Variants in PRELID2 observed in about 807,000 individuals in gnomAD.
PRELID2 encodes PRELI domain-containing protein 2.
In PRELID2, 25 loss-of-function variants were observed where a neutral mutation model predicts 28.4. The observed-to-expected ratio is 0.88, with a 90% confidence interval of 0.64 to 1.23. PRELID2 has a LOEUF of 1.23. PRELID2 is among the 50% of genes most tolerant of loss of function. PRELID2 has a pLI of 0.00. For missense variants in PRELID2, 201 were observed against 214.4 expected (o/e 0.94, Z 0.39); for synonymous variants, 76 against 71.6 (o/e 1.06, Z -0.31).
the PRELID2 span, among the ~76,000 whole-genome samples, chr5:145,319,680 AAAATAAATAAATAAATAAATAAAT>A: frequency 3.5e-5 from 5 of 144,576 alleles, no homozygotes; most frequent in African/African-American, 1.0e-4. Flanking sequence ...CTCCATCTCA[AAAATAAATAAATAAATAAATAAAT>A]AAATAAATAA....
At chr5:145,585,158 C>T (rs1201687655) in intron 1 of PRELID2, among the ~76,000 whole-genome samples, 1 of 152,096 alleles carries the variant, frequency 6.6e-6, no homozygotes, top group African/African-American at 2.4e-5. Flanking sequence ...AGGTGGAAGC[C>T]ATTATCCTCA....
At chr5:145,711,449 C>A (rs528855109) in intron 1 of PRELID2, among the ~76,000 whole-genome samples, 4 of 152,126 alleles carry the variant, frequency 2.6e-5, no homozygotes. Flanking sequence ...TTGGATAAGA[C>A]CATCTGAACC....
the PRELID2 span, among the ~76,000 whole-genome samples, chr5:145,363,108 G>A: frequency 1.4e-5 from 2 of 143,332 alleles, no homozygotes; most frequent in African/African-American, 2.7e-5. Flanking sequence ...CACATATCAT[G>A]GCTATAAGAA....
the PRELID2 span, among the ~76,000 whole-genome samples, chr5:145,407,335 G>A: frequency 6.6e-6 from 1 of 152,086 alleles, no homozygotes; most frequent in East Asian, 1.9e-4. Flanking sequence ...TGTCACTTCT[G>A]GCTTATCCCC....
intron 1 of PRELID2, among the ~76,000 whole-genome samples, chr5:145,652,292 G>C (rs1041998332): frequency 1.3e-5 from 2 of 152,230 alleles, no homozygotes; most frequent in African/African-American, 4.8e-5. Flanking sequence ...ATACCTGAAA[G>C]TGACAGGGAA....
chr5:145,521,735 C>A (rs1752564676), intron 1 of PRELID2, among the ~76,000 whole-genome samples: 1 of 152,096 alleles, frequency 6.6e-6, no homozygotes, highest in Non-Finnish European at 1.5e-5. Flanking sequence ...GGCAGAGAAA[C>A]TAGTCACAGC....
chr5:145,303,669 G>T, the PRELID2 span, among the ~76,000 whole-genome samples: 2 of 152,156 alleles, frequency 1.3e-5, no homozygotes, highest in African/African-American at 4.8e-5. Context: ...TTAATTAATA[G>T]AATTCACTCT....
intron 1 of PRELID2, among the ~76,000 whole-genome samples, chr5:145,630,203 T>C (rs1338533141): frequency 6.6e-6 from 1 of 152,052 alleles, no homozygotes; most frequent in Non-Finnish European, 1.5e-5. Flanking sequence ...GGTGGATGGA[T>C]GAATGAGTTA....
intron 1 of PRELID2, among the ~76,000 whole-genome samples, chr5:145,825,483 G>A (rs189834778): frequency 6.3e-4 from 96 of 152,098 alleles, no homozygotes; most frequent in African/African-American, 2.2e-3. Context: ...TGCTTATCTC[G>A]TTTACTACAG....
chr5:145,687,303 G>T (rs1176612275), intron 1 of PRELID2, among the ~76,000 whole-genome samples: 1 of 152,168 alleles, frequency 6.6e-6, no homozygotes, highest in Non-Finnish European at 1.5e-5. Context: ...CCCAGTCTTA[G>T]CTCTGCCATT....
intron 1 of PRELID2, among the ~76,000 whole-genome samples, chr5:145,509,250 T>C (rs1002619539): frequency 1.3e-5 from 2 of 152,160 alleles, no homozygotes; most frequent in Non-Finnish European, 2.9e-5. Context: ...TACATACACT[T>C]TCTCGTCGAA....
chr5:145,388,825 A>T, the PRELID2 span, among the ~76,000 whole-genome samples: 1 of 152,134 alleles, frequency 6.6e-6, no homozygotes. Flanking sequence ...ATTTAAAGTA[A>T]CATTTCTCCC....
intron 1 of PRELID2, chr5:145,825,857 T>C (rs566302499): frequency 5.6e-6 from 1 of 177,918 alleles, no homozygotes; most frequent in East Asian, 1.9e-4. Context: ...TCCCCCTACC[T>C]GGCATTACTT....
chr5:145,808,155 G>A lies in PRELID2; in HGVS notation c.368+9739C>T, dbSNP rs915661492. On this transcript the variant is annotated intron_variant, in intron 4 of 6. Coordinates refer to ENST00000683046, the MANE Select transcript of PRELID2 (RefSeq NM_205846.3). ...GTCATGTTTTGGGACGAATACAGTA[G>A]TATTTATTTAGGCTATTAGTTAACT... 3.9e-5 allele frequency among the ~76,000 whole-genome samples: 6 copies of A among 152,136 alleles called. No individual in the cohort carries two copies. In the East Asian group the frequency reaches 1.2e-3, roughly 29 times the overall value.
At chr5:145,481,280 T>C (rs1752156825) in intron 1 of PRELID2, among the ~76,000 whole-genome samples, 1 of 152,016 alleles carries the variant, frequency 6.6e-6, no homozygotes, top group Non-Finnish European at 1.5e-5. Context: ...GCTTTTTTCC[T>C]ACCTTTTTTC....
rs1372191967 is a variant in PRELID2, at chr5:145,492,715, A to T, written n.71-19400T>A. Among the ~76,000 whole-genome samples the T allele has an allele frequency of 3.5e-5, 5 of 141,292 alleles. 1 individual carries two copies. The highest frequency in any genetic ancestry group is 8.0e-5 in the Non-Finnish European group (5 of 62,768). 92.7% of individuals were successfully genotyped at this position (141,292 alleles called of 152,430 possible). A position where few individuals can be genotyped will look rare whatever the true frequency, so the allele number is the denominator to read the frequency against. ...CTGAATATAGTGTGAGATAGGGTTC[A>T]GAAGTCTGGGCTGCTGGAGGGCTGC... On this transcript the variant is annotated intron_variant and non_coding_transcript_variant, in intron 1 of 2. Transcript: ENST00000510259.
chr5:145,500,724 G>A (rs548305341), intron 1 of PRELID2, among the ~76,000 whole-genome samples: 13 of 152,204 alleles, frequency 8.5e-5, no homozygotes, highest in East Asian at 7.7e-4. Flanking sequence ...GCTTGGGCAC[G>A]AGGCATCAAA....
intron 1 of PRELID2, among the ~76,000 whole-genome samples, chr5:145,693,605 A>G (rs1276601225): frequency 6.6e-6 from 1 of 152,086 alleles, no homozygotes; most frequent in African/African-American, 2.4e-5. Context: ...CCTGTCTCCA[A>G]AATAAAAAAT....
intron 1 of PRELID2, among the ~76,000 whole-genome samples, chr5:145,724,714 TA>T (rs2149720609): frequency 7.3e-6 from 1 of 136,140 alleles, no homozygotes; most frequent in Non-Finnish European, 1.6e-5. Context: ...GTATACATAT[TA>T]CATATATAAT....
Sources: gnomAD v4.1 joint callset for allele counts (sites outside exome capture counted in the v4.1 genomes callset) on GRCh38, gnomAD v4.1.1 for gene constraint, MANE v1.5 for transcripts, NCBI Gene and HGNC (gene_info 2026-07-23, HGNC 2026-07-21) for gene names.